The following TENM3 variants were observed in gnomAD, a reference collection of about 807,000 sequenced individuals.
TENM3 encodes the protein teneurin transmembrane protein 3.
In TENM3, 63 loss-of-function variants were observed where a neutral mutation model predicts 255.1. That is an observed-to-expected ratio of 0.25 (90% CI 0.20 to 0.30). The LOEUF is 0.30. Ranked by LOEUF, TENM3 falls within the 10% of genes least tolerant of loss-of-function variation. The pLI, the probability that TENM3 is intolerant of heterozygous loss-of-function variation, is 1.00. For missense variants in TENM3, 2,929 were observed against 3,461.1 expected, an observed-to-expected ratio of 0.85 and a Z score of 3.86; for synonymous variants, 1,306 against 1,322.3, an observed-to-expected ratio of 0.99 and a Z score of 0.27.
At chr4:181,928,156 A>G in the TENM3 span, among the ~76,000 whole-genome samples, 2 of 152,140 alleles carry the variant, frequency 1.3e-5, no homozygotes, top group Non-Finnish European at 2.9e-5. Context: ...CCAGCAAGGG[A>G]ACAAAACTGG....
the TENM3 span, among the ~76,000 whole-genome samples, chr4:181,622,401 C>A: frequency 0.011 from 1,675 of 152,302 alleles, 30 homozygotes; most frequent in African/African-American, 0.039. Context: ...CTAGGCCAGG[C>A]ACAGTGGCTT....
At chr4:182,342,021 C>T (rs1364249872) in intron 2 of TENM3, among the ~76,000 whole-genome samples, 1 of 152,166 alleles carries the variant, frequency 6.6e-6, no homozygotes, top group African/African-American at 2.4e-5. Flanking sequence ...AATTAAAACC[C>T]TCATACACTG....
intron 3 of TENM3, among the ~76,000 whole-genome samples, chr4:182,382,051 A>T (rs1243957639): frequency 6.6e-6 from 1 of 152,202 alleles, no homozygotes; most frequent in Admixed American, 6.5e-5. Context: ...CGATGCTCTG[A>T]TAGAATGTAT....
At chr4:182,362,218 G>A (rs1019922640) in intron 3 of TENM3, among the ~76,000 whole-genome samples, 1 of 152,116 alleles carries the variant, frequency 6.6e-6, no homozygotes, top group Non-Finnish European at 1.5e-5. Context: ...ATCTCCAGCT[G>A]CATGCTGGGA....
At chr4:181,561,143 G>A in the TENM3 span, among the ~76,000 whole-genome samples, 2 of 151,980 alleles carry the variant, frequency 1.3e-5, no homozygotes, top group Admixed American at 1.3e-4. Context: ...TGGTAGAGAC[G>A]GGGTTTCGCC....
chr4:182,589,122 A>G (rs1746342746), intron 3 of TENM3, among the ~76,000 whole-genome samples: 1 of 152,202 alleles, frequency 6.6e-6, no homozygotes, highest in African/African-American at 2.4e-5. Context: ...GGAGCTTTGG[A>G]GAAAGCTGTT....
rs186503197 is a variant in TENM3 at position 182,250,277 on chromosome 4, C to T, written c.-76+6801C>T. 2.1e-3 allele frequency among the ~76,000 whole-genome samples: 326 copies of T among 152,134 alleles called. 3 individuals are homozygous for T. The highest frequency in any genetic ancestry group is 0.01 in the Middle Eastern group (3 of 294). On this transcript the variant is annotated intron_variant, in intron 1 of 27. Transcript: ENST00000511685. ...CTGTGTTAGCCAGGATGGTCTCGAT[C>T]TCCTGACCTCATGATCCACCCGCCT...
the TENM3 span, among the ~76,000 whole-genome samples, chr4:181,896,908 A>G: frequency 6.6e-6 from 1 of 152,148 alleles, no homozygotes; most frequent in African/African-American, 2.4e-5. Context: ...ATGAGGGCTC[A>G]ATTTAAACCC....
chr4:181,749,500 T>C, the TENM3 span, among the ~76,000 whole-genome samples: 11 of 152,176 alleles, frequency 7.2e-5, no homozygotes, highest in Admixed American at 3.9e-4. Context: ...AAAACTCATT[T>C]CTGCCCATTC....
At chr4:181,902,136 C>T in the TENM3 span, among the ~76,000 whole-genome samples, 1 of 147,344 alleles carries the variant, frequency 6.8e-6, no homozygotes, top group Admixed American at 6.7e-5. Flanking sequence ...CACACACACA[C>T]ACACTTATAT....
the TENM3 span, among the ~76,000 whole-genome samples, chr4:181,780,594 C>T: frequency 2.6e-5 from 4 of 152,206 alleles, no homozygotes; most frequent in South Asian, 2.1e-4. Context: ...GTTGCCTGTT[C>T]GCTCTGATGG....
the TENM3 span, among the ~76,000 whole-genome samples, chr4:182,053,441 G>A: frequency 7.2e-5 from 11 of 152,138 alleles, no homozygotes; most frequent in Non-Finnish European, 1.5e-4. Flanking sequence ...GGGACAGCTC[G>A]AGTGCCCTGG....
chr4:181,800,666 T>G, the TENM3 span, among the ~76,000 whole-genome samples: 1 of 152,154 alleles, frequency 6.6e-6, no homozygotes, highest in African/African-American at 2.4e-5. Flanking sequence ...GAGGGAACAG[T>G]TCAGGTGACT....
At chr4:182,362,443 A>C (rs1383214734) in intron 3 of TENM3, among the ~76,000 whole-genome samples, 2 of 151,664 alleles carry the variant, frequency 1.3e-5, no homozygotes, top group African/African-American at 4.8e-5. Flanking sequence ...CCCCTCCCCC[A>C]GCCTCACTGC....
intron 3 of TENM3, among the ~76,000 whole-genome samples, chr4:182,351,825 G>A (rs368073861): frequency 4.7e-4 from 72 of 152,268 alleles, no homozygotes; most frequent in African/African-American, 1.6e-3. Context: ...TTTCCACGTT[G>A]TAAAACAGGG....
chr4:182,507,821 G>A (rs1415999982), intron 3 of TENM3, among the ~76,000 whole-genome samples: 1 of 152,180 alleles, frequency 6.6e-6, no homozygotes, highest in Non-Finnish European at 1.5e-5. Flanking sequence ...AGACGAAATA[G>A]ATCTTAGAGA....
chr4:182,367,533 G>T (rs1766515491), intron 3 of TENM3, among the ~76,000 whole-genome samples: 1 of 152,144 alleles, frequency 6.6e-6, no homozygotes, highest in South Asian at 2.1e-4. Context: ...AGAGTAGAAG[G>T]AACAAGTGGT....
the TENM3 span, among the ~76,000 whole-genome samples, chr4:181,500,792 G>A: frequency 6.6e-6 from 1 of 152,148 alleles, no homozygotes; most frequent in Non-Finnish European, 1.5e-5. Flanking sequence ...GGTTAGAACT[G>A]AATCATTTTG....
At chr4:181,449,595 C>T in the TENM3 span, among the ~76,000 whole-genome samples, 5 of 152,028 alleles carry the variant, frequency 3.3e-5, no homozygotes, top group Non-Finnish European at 1.5e-5. Context: ...ACCAGCCTGG[C>T]CAATGTAGTG....
Sources: allele counts gnomAD v4.1 joint callset (sites outside exome capture counted in the v4.1 genomes callset), GRCh38; gene constraint gnomAD v4.1.1; transcripts MANE v1.5; gene names NCBI Gene and HGNC (gene_info 2026-07-23, HGNC 2026-07-21).